The following IQGAP2 variants were observed in gnomAD, a reference collection of about 807,000 sequenced individuals.
IQGAP2 encodes the protein ras GTPase-activating-like protein IQGAP2.
Under a neutral mutation model 201.3 loss-of-function variants are expected in IQGAP2, and 173 were observed. That is an observed-to-expected ratio of 0.86 (90% CI 0.76 to 0.98). The LOEUF is 0.98. Ranked by LOEUF, IQGAP2 falls within the 50% of genes least tolerant of loss-of-function variation. IQGAP2 has a pLI of 0.00. For synonymous variants in IQGAP2, 675 were observed against 673.9 expected, an observed-to-expected ratio of 1.00 and a Z score of -0.03; for missense variants, 1,687 against 1,864.8, an observed-to-expected ratio of 0.90 and a Z score of 1.76.
chr5:76,538,233 AG>A (rs1179873070), intron 2 of IQGAP2, among the ~76,000 whole-genome samples: 4 of 152,208 alleles, frequency 2.6e-5, no homozygotes, highest in African/African-American at 9.6e-5. Context: ...TCACGAGAAC[AG>A]CACAAGAAAG....
intron 17 of IQGAP2, among the ~76,000 whole-genome samples, chr5:76,646,175 A>C (rs1229743082): frequency 6.6e-6 from 1 of 152,160 alleles, no homozygotes; most frequent in Non-Finnish European, 1.5e-5. Flanking sequence ...TTGGACTGCC[A>C]TGGAATCCCA....
chr5:76,503,530 G>T (rs775431126), intron 2 of IQGAP2, among the ~76,000 whole-genome samples: 26 of 151,852 alleles, frequency 1.7e-4, no homozygotes, highest in Admixed American at 4.6e-4. Context: ...GAGTTTTGTT[G>T]TCATACCTTC....
chr5:76,461,321 T>C (rs1334838794), intron 1 of IQGAP2, among the ~76,000 whole-genome samples: 1 of 149,926 alleles, frequency 6.7e-6, no homozygotes, highest in Non-Finnish European at 1.5e-5. Context: ...TAAGTCATGA[T>C]GGCACCACTG....
rs568145496 is a variant in IQGAP2, at chr5:76,631,531, A to G, written c.1613-328A>G. Among the ~76,000 whole-genome samples the G allele has an allele frequency of 3.9e-5, 6 of 152,318 alleles. No homozygotes were observed. In the South Asian group the frequency reaches 1.2e-3, roughly 32 times the overall value. Reference sequence around the variant, plus strand: ...GTTCTCAAATACATGCTAATGCCCTAGGTTACAGCTACATATCTATGTTCG... The same window carrying G: ...GTTCTCAAATACATGCTAATGCCCTGGGTTACAGCTACATATCTATGTTCG... On this transcript the variant is annotated intron_variant, in intron 14 of 35. Transcript: ENST00000274364.
intron 4 of IQGAP2, among the ~76,000 whole-genome samples, chr5:76,574,687 C>G (rs535141666): frequency 6.6e-6 from 1 of 152,272 alleles, no homozygotes; most frequent in African/African-American, 2.4e-5. Flanking sequence ...CACATGTACC[C>G]CAAACCTAAA....
chr5:76,643,331 G>A (rs1248992882), intron 17 of IQGAP2, among the ~76,000 whole-genome samples: 1 of 152,184 alleles, frequency 6.6e-6, no homozygotes, highest in Admixed American at 6.5e-5. Context: ...CATAATTGGA[G>A]CAGACACAAA....
Position 76,496,758 on chromosome 5 carries a change from TTTCTTTC to T in IQGAP2, c.146+35092_146+35098del, listed in dbSNP as rs764202132. On this transcript the variant is annotated intron_variant, in intron 2 of 35. Transcript: ENST00000274364. ...CTTTCTTTCTTTCTTTCTTTCTTTC[TTTCTTTC>T]TTTCTTTCTTTCTTTCTTTCTTTCT... Among the ~76,000 whole-genome samples, 535 of 69,970 alleles carry T rather than the reference TTTCTTTC, an allele frequency of 7.6e-3. 22 individuals carry two copies. Among genetic ancestry groups the T allele is most frequent in the African/African-American group, 0.031 (461 of 14,896 alleles). 45.9% of individuals were successfully genotyped at this position (69,970 alleles called of 152,430 possible). A position where few individuals can be genotyped will look rare whatever the true frequency, so the allele number is the denominator to read the frequency against.
intron 2 of IQGAP2, among the ~76,000 whole-genome samples, chr5:76,536,418 A>G (rs559022907): frequency 6.6e-6 from 1 of 152,086 alleles, no homozygotes; most frequent in Admixed American, 6.5e-5. Context: ...GGTTTGGGCA[A>G]AAGACTTCCT....
intron 2 of IQGAP2, among the ~76,000 whole-genome samples, chr5:76,477,488 C>CA (rs1285245060): frequency 2.2e-4 from 34 of 152,296 alleles, no homozygotes; most frequent in Middle Eastern, 3.4e-3. Context: ...AAGCATTACT[C>CA]ACGTGTTTGT....
intron 18 of IQGAP2, 117 bp from the exon 19 acceptor site, chr5:76,654,083 T>C (rs1271187750): frequency 3.2e-6 from 2 of 628,172 alleles, no homozygotes; most frequent in Admixed American, 3.3e-5. Context: ...TTTTTCTTTA[T>C]CAAGTATCAT....
At chr5:76,443,353 G>T (rs1356799854) in intron 1 of IQGAP2, among the ~76,000 whole-genome samples, 8 of 152,104 alleles carry the variant, frequency 5.3e-5, no homozygotes, top group Admixed American at 3.9e-4. Flanking sequence ...TGAGAGGATG[G>T]CATGCATCCA....
chr5:76,629,018 C>A (rs927542480), intron 14 of IQGAP2, among the ~76,000 whole-genome samples: 8 of 152,154 alleles, frequency 5.3e-5, no homozygotes, highest in Non-Finnish European at 8.8e-5. Flanking sequence ...TTCTTATATT[C>A]ATTGTTCTTA....
chr5:76,613,100 T>G (rs570786337), intron 13 of IQGAP2, among the ~76,000 whole-genome samples: 12 of 152,324 alleles, frequency 7.9e-5, no homozygotes, highest in African/African-American at 2.9e-4. Context: ...CACATCAGTC[T>G]TTCTCATTTA....
At chr5:76,550,126 C>A (rs1435831920) in intron 2 of IQGAP2, among the ~76,000 whole-genome samples, 1 of 152,122 alleles carries the variant, frequency 6.6e-6, no homozygotes, top group Non-Finnish European at 1.5e-5. Flanking sequence ...GCTGTGAACC[C>A]GTGAAACCAG....
rs1205402388 is a variant in IQGAP2, at chr5:76,708,096, T to C, written c.*783T>C. 7.3e-6 allele frequency: 1 copy of C among 137,166 alleles called. No homozygotes were observed. Among genetic ancestry groups the C allele is most frequent in the East Asian group, 2.1e-4 (1 of 4,734 alleles). 8.5% of individuals were successfully genotyped at this position (137,166 alleles called of 1,614,324 possible). A position where few individuals can be genotyped will look rare whatever the true frequency, so the allele number is the denominator to read the frequency against. ...GTTTTTAAATGTATTCTCTGGAAAT[T>C]GTTTTATGTAAAATAAATGTTACTT... is the stretch of plus-strand genomic sequence containing the variant. On this transcript the variant is annotated 3_prime_UTR_variant, in exon 36 of 36. Transcript: ENST00000274364.
intron 2 of IQGAP2, among the ~76,000 whole-genome samples, chr5:76,502,294 A>C (rs917600848): frequency 1.3e-5 from 2 of 152,220 alleles, no homozygotes; most frequent in African/African-American, 4.8e-5. Flanking sequence ...GTTTAGGTGG[A>C]AGTATGGCTG....
intron 2 of IQGAP2, among the ~76,000 whole-genome samples, chr5:76,557,691 G>A (rs2150246417): frequency 6.6e-6 from 1 of 152,340 alleles, no homozygotes; most frequent in East Asian, 1.9e-4. Flanking sequence ...TAAAGAGAAA[G>A]AAGAAATGGC....
chr5:76,701,163 G>T lies in IQGAP2; in HGVS notation c.4455G>T (p.Lys1485Asn), dbSNP rs777247541. The T allele has an allele frequency of 9.3e-6, 15 of 1,614,130 alleles. No individual in the cohort carries two copies. In the Admixed American group the frequency reaches 2.0e-4, roughly 22 times the overall value. Residue 1485 changes from lysine to asparagine, a missense_variant, in exon 34 of 36, where the codon AAG becomes AAT. By Grantham distance (94) the Lys-to-Asn change is moderately conservative. Coordinates refer to ENST00000274364, the MANE Select transcript of IQGAP2 (RefSeq NM_006633.5). The stretch of plus-strand genomic sequence containing the variant: ...AGCCAGTGAAGTACACTGCAGCAAA[G>T]CTGCATGAGAAAGGTGTCCTGCTAG... ...RAKPVKYTAA[K>N]LHEKGVLLDI...
intron 1 of IQGAP2, among the ~76,000 whole-genome samples, chr5:76,429,967 G>C (rs1301699451): frequency 6.6e-6 from 1 of 151,788 alleles, no homozygotes; most frequent in Non-Finnish European, 1.5e-5. Context: ...AGAGAGAGTA[G>C]ATATCTGTAG....
Sources: allele counts gnomAD v4.1 joint callset (sites outside exome capture counted in the v4.1 genomes callset), GRCh38; gene constraint gnomAD v4.1.1; transcripts MANE v1.5; gene names NCBI Gene and HGNC (gene_info 2026-07-23, HGNC 2026-07-21).